Variants in LCMT1 observed in about 807,000 individuals in gnomAD.
The protein encoded by LCMT1 is leucine carboxyl methyltransferase 1.
Under a neutral mutation model 47.7 loss-of-function variants are expected in LCMT1, and 32 were observed. The observed-to-expected ratio is 0.67, with a 90% CI of 0.51 to 0.90. LCMT1 has a LOEUF of 0.90. LCMT1 is among the 40% of genes least tolerant of loss of function. The probability of loss-of-function intolerance (pLI) is 0.00; values close to 1 mark genes in which losing one functional copy is unlikely to be tolerated. For missense variants in LCMT1, 375 were observed against 415.2 expected (o/e 0.90, Z 0.84); for synonymous variants, 152 against 149.7 (o/e 1.02, Z -0.11).
intron 1 of LCMT1, among the ~76,000 whole-genome samples, chr16:25,122,866 G>T (rs1440642140): frequency 6.6e-6 from 1 of 152,058 alleles, no homozygotes; most frequent in African/African-American, 2.4e-5. Flanking sequence ...GCCCAGGCTG[G>T]TCTCAAACTC....
chr16:25,175,035 G>A lies in LCMT1; in HGVS notation c.982+1G>A. 6.4e-7 allele frequency: 1 copy of A among 1,572,560 alleles called. No homozygotes were observed. The highest frequency in any genetic ancestry group is 8.7e-7 in the Non-Finnish European group (1 of 1,144,150). Reference sequence around the variant, plus strand: ...GCAACCAAAGGAGGAAATGAGCTTGGTGCGTGATTGTACTTTTCTTGCCTT... The same window carrying A: ...GCAACCAAAGGAGGAAATGAGCTTGATGCGTGATTGTACTTTTCTTGCCTT... On this transcript the variant is annotated splice_donor_variant, in intron 10 of 10. Coordinates refer to ENST00000399069, the MANE Select transcript of LCMT1 (RefSeq NM_016309.3). LOFTEE classifies it high-confidence loss of function.
At chr16:25,142,864 G>A (rs567319777) in intron 4 of LCMT1, 1 of 152,316 alleles carries the variant, frequency 6.6e-6, no homozygotes, top group Admixed American at 6.5e-5. Context: ...GGAGTAAAAT[G>A]GGCCATCTGG....
Position 25,118,680 on chromosome 16 carries a change from C to T in LCMT1, c.113+6684C>T, listed in dbSNP as rs190113447. Among the ~76,000 whole-genome samples the T allele has an allele frequency of 2.0e-4, 31 of 152,254 alleles. 1 individual carries two copies. Among genetic ancestry groups the T allele is most frequent in the Middle Eastern group, 3.4e-3 (1 of 294 alleles). On this transcript the variant is annotated intron_variant, in intron 1 of 10. Coordinates refer to ENST00000399069, the MANE Select transcript of LCMT1 (RefSeq NM_016309.3). ...GAGGTCAGTGCAGAGGAAAGGCTTG[C>T]AGGGGGCAGGAGTGAGCCCTCTGGG...
intron 1 of LCMT1, among the ~76,000 whole-genome samples, chr16:25,120,287 G>A (rs1446855664): frequency 6.6e-6 from 1 of 151,156 alleles, no homozygotes; most frequent in African/African-American, 2.4e-5. Flanking sequence ...GCAGTGGTGC[G>A]ATCTCGGGTC....
Position 25,134,452 on chromosome 16 carries a change from C to T in LCMT1, c.327+1929C>T, listed in dbSNP as rs140992172. ...TGCAAGATTGTCTTCCAGGATCCTG[C>T]AGCCAGAGGCTCTGGGGCAGGGATC... On this transcript the variant is annotated intron_variant, in intron 3 of 10. Coordinates refer to ENST00000399069, the MANE Select transcript of LCMT1 (RefSeq NM_016309.3). Among the ~76,000 whole-genome samples the T allele has an allele frequency of 8.6e-3, 1,317 of 152,330 alleles. 15 individuals carry two copies. The highest frequency in any genetic ancestry group is 0.029 in the African/African-American group (1,222 of 41,574).
In LCMT1 at chr16:25,131,023, C is replaced by G. The variant is rs73563428; in HGVS notation, c.206-1379C>G. ...TGATGCCTTATTTTAGTGTTAATGA[C>G]ACTATTAGGCTCTGCAGATAATTTC... On this transcript the variant is annotated intron_variant, in intron 2 of 10. Transcript: ENST00000399069. Among the ~76,000 whole-genome samples, 1,511 of 152,270 alleles carry G rather than the reference C, an allele frequency of 9.9e-3. 25 individuals carry two copies. Among genetic ancestry groups the G allele is most frequent in the African/African-American group, 0.035 (1,443 of 41,544 alleles).
intron 1 of LCMT1, among the ~76,000 whole-genome samples, chr16:25,120,436 T>A (rs1225068266): frequency 6.6e-6 from 1 of 150,954 alleles, no homozygotes; most frequent in East Asian, 2.0e-4. Flanking sequence ...TTTTTCTTTT[T>A]TTTTTTGAGA....
chr16:25,122,439 G>T (rs1960020818), intron 1 of LCMT1, among the ~76,000 whole-genome samples: 2 of 152,072 alleles, frequency 1.3e-5, no homozygotes, highest in African/African-American at 4.8e-5. Context: ...CTCCCGAGTA[G>T]CTGGAATCAC....
chr16:25,136,382 T>C (rs1403884598), intron 3 of LCMT1, among the ~76,000 whole-genome samples: 1 of 151,578 alleles, frequency 6.6e-6, no homozygotes, highest in Non-Finnish European at 1.5e-5. Flanking sequence ...TGGAGTGAAA[T>C]ATCAAAAGGG....
At chr16:25,144,052 A>G (rs982136569) in intron 4 of LCMT1, 2 of 152,158 alleles carry the variant, frequency 1.3e-5, no homozygotes, top group African/African-American at 4.8e-5. Flanking sequence ...TTGTGGCCCT[A>G]TTTCCTTGGC....
At chr16:25,171,039 C>T (rs919807511) in intron 9 of LCMT1, among the ~76,000 whole-genome samples, 21 of 152,154 alleles carry the variant, frequency 1.4e-4, no homozygotes, top group South Asian at 6.2e-4. Context: ...AGTTCGAGAC[C>T]GGCCTGGCCA....
chr16:25,156,181 C>G (rs1207426108), intron 5 of LCMT1, among the ~76,000 whole-genome samples: 4 of 152,178 alleles, frequency 2.6e-5, no homozygotes, highest in African/African-American at 4.8e-5. Flanking sequence ...AGACCCCCTT[C>G]CTGCCGCCTT....
intron 3 of LCMT1, among the ~76,000 whole-genome samples, chr16:25,133,686 C>T (rs1005279926): frequency 1.0e-4 from 15 of 148,456 alleles, no homozygotes; most frequent in Admixed American, 2.7e-4. Context: ...CGTGAGCCAC[C>T]GTGCCTGGCC....
chr16:25,155,934 G>C (rs902080006), intron 5 of LCMT1, among the ~76,000 whole-genome samples: 1 of 152,142 alleles, frequency 6.6e-6, no homozygotes, highest in African/African-American at 2.4e-5. Context: ...CTCCCGCCTC[G>C]ACCTCTCAGT....
chr16:25,112,681 A>G (rs1959660387), intron 1 of LCMT1, among the ~76,000 whole-genome samples: 2 of 152,214 alleles, frequency 1.3e-5, no homozygotes, highest in Non-Finnish European at 1.5e-5. Flanking sequence ...AAATACACCA[A>G]GAACAAGACA....
At chr16:25,153,217 C>T (rs1961133484) in intron 5 of LCMT1, among the ~76,000 whole-genome samples, 1 of 152,258 alleles carries the variant, frequency 6.6e-6, no homozygotes, top group Non-Finnish European at 1.5e-5. Context: ...TTAACAGCCA[C>T]AGCCCTTCTT....
At chr16:25,153,756 C>T (rs1961150400) in intron 5 of LCMT1, among the ~76,000 whole-genome samples, 1 of 152,034 alleles carries the variant, frequency 6.6e-6, no homozygotes, top group South Asian at 2.1e-4. Context: ...GGTTCGAGAC[C>T]AGCCTGGCCA....
At chr16:25,124,729 C>T (rs907718885) in intron 1 of LCMT1, among the ~76,000 whole-genome samples, 3 of 152,182 alleles carry the variant, frequency 2.0e-5, no homozygotes, top group Admixed American at 1.3e-4. Flanking sequence ...TTCCAGTTGA[C>T]GCTCGTGGAG....
At chr16:25,118,163 GT>G (rs1394313615) in intron 1 of LCMT1, among the ~76,000 whole-genome samples, 1 of 152,098 alleles carries the variant, frequency 6.6e-6, no homozygotes, top group Non-Finnish European at 1.5e-5. Context: ...ATGGCCTCCT[GT>G]TGCCATTAGA....
Sources: gnomAD v4.1 joint callset for allele counts (sites outside exome capture counted in the v4.1 genomes callset) on GRCh38, gnomAD v4.1.1 for gene constraint, MANE v1.5 for transcripts, NCBI Gene and HGNC (gene_info 2026-07-23, HGNC 2026-07-21) for gene names.